The following GRID1 variants were observed in gnomAD, a reference collection of about 807,000 sequenced individuals.
The protein encoded by GRID1 is glutamate ionotropic receptor delta type subunit 1, also known as glutamate receptor ionotropic, delta-1.
GRID1 carries 28 observed loss-of-function variants against 98.0 expected under a neutral mutation model. The ratio of observed to expected loss-of-function variants is 0.29; its 90% CI spans 0.21 to 0.39. The LOEUF (loss-of-function observed/expected upper bound fraction) is 0.39. Among genes scored for constraint, GRID1 ranks in the 10% least tolerant of loss-of-function variants. The pLI is 1.00. For missense variants in GRID1, 1,111 were observed against 1,340.5 expected, an observed-to-expected ratio of 0.83 and a Z score of 2.67; for synonymous variants, 553 against 538.5, an observed-to-expected ratio of 1.03 and a Z score of -0.37.
chr10:86,307,856 A>C (rs1847779559), intron 2 of GRID1, among the ~76,000 whole-genome samples: 1 of 152,172 alleles, frequency 6.6e-6, no homozygotes, highest in Non-Finnish European at 1.5e-5. Flanking sequence ...TAAAAACAAA[A>C]TGTCCTTTGT....
At chr10:86,108,924 C>T (rs1395211982) in intron 4 of GRID1, among the ~76,000 whole-genome samples, 4 of 152,086 alleles carry the variant, frequency 2.6e-5, no homozygotes, top group East Asian at 1.9e-4. Context: ...CCACCCTGTC[C>T]GGCTTCCCTC....
intron 2 of GRID1, among the ~76,000 whole-genome samples, chr10:86,356,523 G>A (rs371057902): frequency 1.1e-4 from 16 of 152,288 alleles, no homozygotes; most frequent in South Asian, 6.2e-4. Flanking sequence ...GCACATCCAG[G>A]CTGAGCCCCC....
At chr10:86,121,957 A>G (rs1478323848) in intron 4 of GRID1, among the ~76,000 whole-genome samples, 1 of 152,178 alleles carries the variant, frequency 6.6e-6, no homozygotes, top group Non-Finnish European at 1.5e-5. Flanking sequence ...TTGCTTTAGA[A>G]ACGTTCCACT....
At chr10:86,040,480 G>A (rs1466351340) in intron 4 of GRID1, among the ~76,000 whole-genome samples, 3 of 130,466 alleles carry the variant, frequency 2.3e-5, no homozygotes, top group African/African-American at 5.9e-5. Context: ...GGCACAGAAA[G>A]CCAAATACTA....
At chr10:86,012,167 C>T (rs1443524091) in intron 4 of GRID1, among the ~76,000 whole-genome samples, 2 of 152,150 alleles carry the variant, frequency 1.3e-5, no homozygotes, top group African/African-American at 2.4e-5. Context: ...ACCCTACTCA[C>T]CTATAACCAC....
At chr10:85,813,808 G>A (rs187366736) in intron 8 of GRID1, among the ~76,000 whole-genome samples, 184 of 151,854 alleles carry the variant, frequency 1.2e-3, no homozygotes, top group Non-Finnish European at 1.9e-3. Context: ...AGATCTTTCA[G>A]TGTATGCAGA....
intron 4 of GRID1, among the ~76,000 whole-genome samples, chr10:86,088,078 A>C (rs1844091196): frequency 2.0e-5 from 3 of 152,244 alleles, no homozygotes; most frequent in Admixed American, 2.0e-4. Flanking sequence ...CATTAAAGGC[A>C]CAATCTTGCT....
chr10:85,910,357 C>T (rs1268700998), intron 5 of GRID1, among the ~76,000 whole-genome samples: 2 of 152,130 alleles, frequency 1.3e-5, no homozygotes, highest in Non-Finnish European at 2.9e-5. Context: ...TTAGAGCATT[C>T]GCATCTTCCT....
At chr10:85,660,124 T>A (rs1840948677) in intron 12 of GRID1, among the ~76,000 whole-genome samples, 2 of 152,208 alleles carry the variant, frequency 1.3e-5, no homozygotes, top group Admixed American at 6.5e-5. Flanking sequence ...ACATGCCACA[T>A]AACTTTCACC....
At chr10:85,877,601 C>G (rs544959758) in intron 5 of GRID1, among the ~76,000 whole-genome samples, 9 of 152,258 alleles carry the variant, frequency 5.9e-5, no homozygotes, top group Admixed American at 1.3e-4. Flanking sequence ...AAAGGACATC[C>G]ACACCAAAAA....
intron 3 of GRID1, among the ~76,000 whole-genome samples, chr10:86,179,055 G>C (rs949380918): frequency 6.6e-6 from 1 of 152,060 alleles, no homozygotes; most frequent in Non-Finnish European, 1.5e-5. Flanking sequence ...TGGAATGCCT[G>C]GGGCTTAGGT....
At position 86,242,961 on chromosome 10, in the gene GRID1, C is replaced by T. The variant is rs575233536; in HGVS notation, c.236-36313G>A. The stretch of plus-strand genomic sequence containing the variant: ...CCCACCTGCCTCACCAAATTCCCCA[C>T]CTCCAGCAGGCCTACGCTGGGCCCA... On this transcript the variant is annotated intron_variant, in intron 2 of 15. Coordinates refer to ENST00000327946, the MANE Select transcript of GRID1 (RefSeq NM_017551.3). Among the ~76,000 whole-genome samples the T allele has an allele frequency of 3.3e-5, 5 of 152,320 alleles. No individual in the cohort carries two copies. The East Asian group carries it at 9.7e-4, about 29-fold the overall frequency.
chr10:86,220,296 C>T (rs943066832), intron 2 of GRID1, among the ~76,000 whole-genome samples: 7 of 152,080 alleles, frequency 4.6e-5, no homozygotes, highest in African/African-American at 1.7e-4. Flanking sequence ...ACTGGCCCAG[C>T]GGTAAGAGGA....
chr10:85,698,498 T>C (rs915107810), intron 12 of GRID1, among the ~76,000 whole-genome samples: 1 of 152,104 alleles, frequency 6.6e-6, no homozygotes, highest in Non-Finnish European at 1.5e-5. Flanking sequence ...TAGCTCATTT[T>C]TTTTCTTTTT....
At chr10:86,050,676 C>CA (rs1843488892) in intron 4 of GRID1, among the ~76,000 whole-genome samples, 1 of 151,688 alleles carries the variant, frequency 6.6e-6, no homozygotes, top group Non-Finnish European at 1.5e-5. Flanking sequence ...TAAATAGCAG[C>CA]AAAAAAGTGC....
At chr10:86,189,741 A>G (rs1845775142) in intron 3 of GRID1, among the ~76,000 whole-genome samples, 1 of 152,130 alleles carries the variant, frequency 6.6e-6, no homozygotes, top group South Asian at 2.1e-4. Flanking sequence ...CACTGAGGCC[A>G]CTAGTACTCC....
intron 4 of GRID1, among the ~76,000 whole-genome samples, chr10:85,961,478 A>G (rs1842266221): frequency 6.6e-6 from 1 of 152,052 alleles, no homozygotes; most frequent in Admixed American, 6.5e-5. Context: ...TTGTGTCCAA[A>G]GACCTCAGGA....
At chr10:85,981,412 GC>G (rs936420399) in intron 4 of GRID1, among the ~76,000 whole-genome samples, 2 of 152,214 alleles carry the variant, frequency 1.3e-5, no homozygotes, top group African/African-American at 4.8e-5. Context: ...TCTGGAAGCA[GC>G]TGGCTGCCAG....
At chr10:86,349,939 C>T (rs1045214924) in intron 2 of GRID1, among the ~76,000 whole-genome samples, 8 of 152,174 alleles carry the variant, frequency 5.3e-5, no homozygotes, top group Admixed American at 2.0e-4. Context: ...CCGACGAGGA[C>T]GCCTACAAAG....
Sources: allele counts gnomAD v4.1 joint callset (sites outside exome capture counted in the v4.1 genomes callset), GRCh38; gene constraint gnomAD v4.1.1; transcripts MANE v1.5; gene names NCBI Gene and HGNC (gene_info 2026-07-23, HGNC 2026-07-21).